Variants in TMC1 observed in about 807,000 individuals in gnomAD.
TMC1 encodes the protein transmembrane channel like 1.
A neutral mutation model predicts 105.8 loss-of-function variants in TMC1; 84 were observed. That is an observed-to-expected ratio of 0.79 (90% CI 0.67 to 0.95). The LOEUF is 0.95. Among genes scored for constraint, TMC1 ranks in the 40% least tolerant of loss-of-function variants. TMC1 has a pLI of 0.00. For missense variants in TMC1, 817 were observed against 914.1 expected (o/e 0.89, Z 1.37); for synonymous variants, 315 against 311.5 (o/e 1.01, Z -0.12).
At chr9:72,623,059 A>AAAC (rs1328003244) in intron 3 of TMC1, among the ~76,000 whole-genome samples, 49 of 151,178 alleles carry the variant, frequency 3.2e-4, no homozygotes, top group African/African-American at 1.2e-3. Context: ...CTCAAAAAAA[A>AAAC]AAACAAACAA....
At chr9:72,733,329 G>T (rs2117991232) in intron 8 of TMC1, among the ~76,000 whole-genome samples, 1 of 152,000 alleles carries the variant, frequency 6.6e-6, no homozygotes, top group South Asian at 2.1e-4. Context: ...CATAACTGGG[G>T]CTTCTGAAGC....
chr9:72,734,066 T>G (rs1368785581), intron 8 of TMC1, among the ~76,000 whole-genome samples: 2 of 152,200 alleles, frequency 1.3e-5, no homozygotes, highest in South Asian at 2.1e-4. Flanking sequence ...GAGTGCAGAC[T>G]GTGTGGATTT....
intron 2 of TMC1, among the ~76,000 whole-genome samples, chr9:72,589,926 C>A (rs555897951): frequency 3.2e-4 from 48 of 152,250 alleles, no homozygotes; most frequent in African/African-American, 1.1e-3. Flanking sequence ...AGTTGAGGGA[C>A]CCACTGATGA....
chr9:72,788,514 T>C (rs1482836903), intron 14 of TMC1, 31 bp downstream of exon 14: 2 of 1,612,830 alleles, frequency 1.2e-6, no homozygotes, highest in African/African-American at 2.7e-5. Context: ...AACCTGCTGT[T>C]TGTATTTCTA....
intron 1 of TMC1, among the ~76,000 whole-genome samples, chr9:72,551,410 C>A (rs903251192): frequency 3.3e-5 from 5 of 152,112 alleles, no homozygotes; most frequent in Non-Finnish European, 4.4e-5. Context: ...ACAAAGCACC[C>A]CTATGCTCTG....
intron 5 of TMC1, among the ~76,000 whole-genome samples, chr9:72,655,664 C>G (rs934906161): frequency 6.6e-6 from 1 of 151,932 alleles, no homozygotes; most frequent in African/African-American, 2.4e-5. Context: ...ATGGCTTGAA[C>G]CCGGGAGGGG....
intron 5 of TMC1, among the ~76,000 whole-genome samples, chr9:72,663,260 G>A (rs113505164): frequency 0.012 from 1,892 of 152,162 alleles, 16 homozygotes; most frequent in South Asian, 0.026. Context: ...CTTCTTGGTG[G>A]GGCCACAGGA....
At chr9:72,818,313 A>C (rs764055256) in intron 19 of TMC1, among the ~76,000 whole-genome samples, 1 of 152,242 alleles carries the variant, frequency 6.6e-6, no homozygotes, top group African/African-American at 2.4e-5. Context: ...TGTTAACATC[A>C]ACATTTATAG....
chr9:72,629,171 T>TATG (rs760202883), intron 4 of TMC1, among the ~76,000 whole-genome samples: 4 of 152,216 alleles, frequency 2.6e-5, no homozygotes, highest in Non-Finnish European at 5.9e-5. Flanking sequence ...TAATTATTCC[T>TATG]ATGACATTGA....
At chr9:72,816,072 A>C in intron 18 of TMC1, 71 bp from the exon 19 acceptor site, 1 of 1,375,652 alleles carries the variant, frequency 7.3e-7, no homozygotes, top group Non-Finnish European at 1.0e-6. Flanking sequence ...AGCCATGCCT[A>C]TGCAGAACAA....
chr9:72,596,978 T>C (rs147477897), intron 2 of TMC1, among the ~76,000 whole-genome samples: 45 of 152,312 alleles, frequency 3.0e-4, no homozygotes, highest in African/African-American at 1.1e-3. Context: ...AGAAGGCACA[T>C]TGGCCACCAG....
intron 13 of TMC1, among the ~76,000 whole-genome samples, chr9:72,782,068 A>G (rs1828102257): frequency 6.6e-6 from 1 of 152,208 alleles, no homozygotes; most frequent in Non-Finnish European, 1.5e-5. Flanking sequence ...CCTCAACAAA[A>G]TAATAGCAAA....
chr9:72,748,036 A>G lies in TMC1; in HGVS notation c.536-3814A>G, dbSNP rs374884444. 1.6e-3 allele frequency among the ~76,000 whole-genome samples: 247 copies of G among 152,304 alleles called. 2 individuals carry two copies. The highest frequency in any genetic ancestry group is 5.8e-3 in the African/African-American group (242 of 41,568). On this transcript the variant is annotated intron_variant, in intron 10 of 23. Coordinates refer to ENST00000297784, the MANE Select transcript of TMC1 (RefSeq NM_138691.3). ...TGATTGATGGATATTATCTATACCT[A>G]TTGTTTCAGAAACACATATTCATTG... is the stretch of plus-strand genomic sequence containing the variant.
intron 2 of TMC1, among the ~76,000 whole-genome samples, chr9:72,582,182 C>T (rs559982864): frequency 1.3e-5 from 2 of 152,260 alleles, no homozygotes; most frequent in African/African-American, 4.8e-5. Flanking sequence ...GTCTCTAATT[C>T]CCGACCTCAG....
chr9:72,698,739 A>G (rs1048221633), intron 7 of TMC1, among the ~76,000 whole-genome samples: 3 of 152,220 alleles, frequency 2.0e-5, no homozygotes, highest in African/African-American at 4.8e-5. Context: ...CGTAGAGGAA[A>G]GACCCTAGGA....
At chr9:72,638,161 C>G (rs996666364) in intron 4 of TMC1, among the ~76,000 whole-genome samples, 1 of 152,210 alleles carries the variant, frequency 6.6e-6, no homozygotes, top group East Asian at 1.9e-4. Flanking sequence ...TCTCTCCTCC[C>G]GCCCCCAGCC....
At position 72,583,913 on chromosome 9, in the gene TMC1, T is replaced by G. The variant is rs147344646; in HGVS notation, c.-306+5890T>G. ...TCAATTGTTTGAAAAACAATGCATT[T>G]GTATCAGAAATAACTTTGTGAGTGG... On this transcript the variant is annotated intron_variant, in intron 2 of 23. Coordinates refer to ENST00000297784, the MANE Select transcript of TMC1 (RefSeq NM_138691.3). Among the ~76,000 whole-genome samples the G allele has an allele frequency of 8.8e-4, 134 of 152,370 alleles. 3 individuals carry two copies. In the East Asian group the frequency reaches 0.021, roughly 24 times the overall value.
chr9:72,724,984 A>G (rs1033608125), intron 8 of TMC1, among the ~76,000 whole-genome samples: 18 of 152,154 alleles, frequency 1.2e-4, no homozygotes, highest in Non-Finnish European at 2.1e-4. Context: ...TATGCACCTA[A>G]TAAGCACAAA....
rs116052772 is a variant in TMC1 at position 72,701,070 on chromosome 9, G to A, written c.362+427G>A. 3.2e-3 allele frequency among the ~76,000 whole-genome samples: 494 copies of A among 152,060 alleles called. 3 individuals carry two copies. Among genetic ancestry groups the A allele is most frequent in the African/African-American group, 0.011 (458 of 41,494 alleles). On this transcript the variant is annotated intron_variant, in intron 8 of 23. Coordinates refer to ENST00000297784, the MANE Select transcript of TMC1 (RefSeq NM_138691.3). ...TTAATACATTTGTTACCATCTCTTTGAAAGAGATAATATATTTGAATTTTA... is the reference window on the plus strand; with the variant it reads ...TTAATACATTTGTTACCATCTCTTTAAAAGAGATAATATATTTGAATTTTA...
Sources: gnomAD v4.1 joint callset for allele counts (sites outside exome capture counted in the v4.1 genomes callset) on GRCh38, gnomAD v4.1.1 for gene constraint, MANE v1.5 for transcripts, NCBI Gene and HGNC (gene_info 2026-07-23, HGNC 2026-07-21) for gene names.